PTK6: variants seen among roughly 807,000 people sequenced by gnomAD.
PTK6 encodes the protein protein tyrosine kinase 6.
Under a neutral mutation model 47.5 loss-of-function variants are expected in PTK6, and 47 were observed. The ratio of observed to expected loss-of-function variants is 0.99; its 90% CI spans 0.78 to 1.26. The LOEUF is 1.26. Among genes scored for constraint, PTK6 ranks in the 50% most tolerant of loss-of-function variants. The pLI, the probability that PTK6 is intolerant of heterozygous loss-of-function variation, is 0.00. For synonymous variants in PTK6, 287 were observed against 276.5 expected, an observed-to-expected ratio of 1.04 and a Z score of -0.38; for missense variants, 618 against 625.3, an observed-to-expected ratio of 0.99 and a Z score of 0.12.
Position 63,530,443 on chromosome 20 carries a change from G to A in PTK6, c.1015-212C>T, listed in dbSNP as rs1441106111. Among the ~76,000 whole-genome samples, 3 of 152,234 alleles carry A rather than the reference G, an allele frequency of 2.0e-5. No homozygotes were observed. The highest frequency in any genetic ancestry group is 1.9e-4 in the East Asian group (1 of 5,194). On this transcript the variant is annotated intron_variant, in intron 6 of 7. Coordinates refer to ENST00000542869, the MANE Select transcript of PTK6 (RefSeq NM_005975.4). This position sits in a 1 kb window ranked among gnomAD's most constrained non-coding sequence, Gnocchi z 4.1. Reference sequence around the variant, plus strand: ...CTGGGATTGCAGGTGTGTGGGGACCGGAGGGCCCGGGGGACAGGGAACTGG... The same window carrying A: ...CTGGGATTGCAGGTGTGTGGGGACCAGAGGGCCCGGGGGACAGGGAACTGG...
rs975835823 is a variant in PTK6 at position 63,530,654 on chromosome 20, C to G, written c.1014+92G>C. 3.3e-5 allele frequency: 48 copies of G among 1,458,778 alleles called. No individual in the cohort carries two copies. Among genetic ancestry groups the G allele is most frequent in the Non-Finnish European group, 4.1e-5 (44 of 1,077,836 alleles). 90.4% of individuals were successfully genotyped at this position (1,458,778 alleles called of 1,614,324 possible). ...CGAGGGCAGGGGCCGCATCCTGCTC[C>G]CAGCCGAGTCCCCAGCTCCACACAC... is the stretch of plus-strand genomic sequence containing the variant. On this transcript the variant is annotated intron_variant, in intron 6 of 7. Transcript: ENST00000542869. The surrounding 1 kb of genome is among the most constrained non-coding windows in gnomAD (Gnocchi z 4.1).
chr20:63,530,284 C>T lies in PTK6; in HGVS notation c.1015-53G>A. On this transcript the variant is annotated intron_variant, in intron 6 of 7. Coordinates refer to ENST00000542869, the MANE Select transcript of PTK6 (RefSeq NM_005975.4). This position sits in a 1 kb window ranked among gnomAD's most constrained non-coding sequence, Gnocchi z 4.1. ...CGTGGGGGCTGCCTGTGCCCTGCCC[C>T]CGAAGCATGGACGGGCACAGCGGCC... The T allele has an allele frequency of 1.3e-6, 2 of 1,599,110 alleles. No homozygotes were observed. The highest frequency in any genetic ancestry group is 8.6e-7 in the Non-Finnish European group (1 of 1,169,546).
chr20:63,531,437 A>AAAATAT (rs1311835682), intron 5 of PTK6, among the ~76,000 whole-genome samples: 4 of 94,920 alleles, frequency 4.2e-5, no homozygotes, highest in Non-Finnish European at 7.5e-5. Context: ...AAAAAAAAAA[A>AAAATAT]ATATATATAT....
At chr20:63,534,032 CCCCA>C (rs879539161) in intron 3 of PTK6, 116 bp downstream of exon 3, 32 of 1,320,290 alleles carry the variant, frequency 2.4e-5, no homozygotes, top group Non-Finnish European at 3.0e-5. Flanking sequence ...CTCCAGTGGG[CCCCA>C]GGTCAGTGAG....
rs563200818 is a variant in PTK6 at position 63,534,928 on chromosome 20, G to T, written c.352+10C>A. ...GCAGGCAAGCACAGGCTCGGAGGCCGGGGCCGCACCCGACAGGACGTAGTC... is the reference window on the plus strand; with the variant it reads ...GCAGGCAAGCACAGGCTCGGAGGCCTGGGCCGCACCCGACAGGACGTAGTC... On this transcript the variant is annotated intron_variant, in intron 2 of 7. Coordinates refer to ENST00000542869, the MANE Select transcript of PTK6 (RefSeq NM_005975.4). 2 of 1,586,698 alleles carry T rather than the reference G, an allele frequency of 1.3e-6. No homozygotes were observed. The highest frequency in any genetic ancestry group is 8.6e-7 in the Non-Finnish European group (1 of 1,165,706).
intron 1 of PTK6, among the ~76,000 whole-genome samples, chr20:63,535,282 C>T (rs950933896): frequency 3.9e-5 from 6 of 152,174 alleles, no homozygotes; most frequent in Non-Finnish European, 5.9e-5. Context: ...CAGGGGCAGG[C>T]GCTACCACAC....
At chr20:63,534,079 C>T (rs990616477) in intron 3 of PTK6, 73 bp downstream of exon 3, 4 of 1,465,950 alleles carry the variant, frequency 2.7e-6, no homozygotes, top group Non-Finnish European at 1.8e-6. Context: ...CGGCCAACCT[C>T]TCCCAGTAGG....
At position 63,530,644 on chromosome 20, in the gene PTK6, C is replaced by A. The variant is rs1473566756; in HGVS notation, c.1014+102G>T. On this transcript the variant is annotated intron_variant, in intron 6 of 7. Transcript: ENST00000542869. The surrounding 1 kb of genome is among the most constrained non-coding windows in gnomAD (Gnocchi z 4.1). The stretch of plus-strand genomic sequence containing the variant: ...CCTGGGCTCCCGAGGGCAGGGGCCG[C>A]ATCCTGCTCCCAGCCGAGTCCCCAG... 1 of 1,400,604 alleles carries A rather than the reference C, an allele frequency of 7.1e-7. No individual in the cohort carries two copies. Among genetic ancestry groups the A allele is most frequent in the Non-Finnish European group, 9.7e-7 (1 of 1,034,130 alleles). 86.8% of individuals were successfully genotyped at this position (1,400,604 alleles called of 1,614,324 possible).
chr20:63,536,498 G>A (rs1200678065), intron 1 of PTK6, among the ~76,000 whole-genome samples: 2 of 151,568 alleles, frequency 1.3e-5, no homozygotes, highest in African/African-American at 2.4e-5. Context: ...GATGAGAAAC[G>A]CGGGATCTCA....
At position 63,530,632 on chromosome 20, in the gene PTK6, G is replaced by C. The variant is rs2082610775; in HGVS notation, c.1014+114C>G. ...CTCCCTGCCCAGCCTGGGCTCCCGA[G>C]GGCAGGGGCCGCATCCTGCTCCCAG... On this transcript the variant is annotated intron_variant, in intron 6 of 7. Coordinates refer to ENST00000542869, the MANE Select transcript of PTK6 (RefSeq NM_005975.4). This position sits in a 1 kb window ranked among gnomAD's most constrained non-coding sequence, Gnocchi z 4.1. 7.6e-7 allele frequency: 1 copy of C among 1,322,522 alleles called. No individual in the cohort carries two copies. The highest frequency in any genetic ancestry group is 1.5e-5 in the African/African-American group (1 of 66,556). The allele number at this position is 1,322,522 out of a possible 1,614,324, so 81.9% of individuals were successfully genotyped here. A position where few individuals can be genotyped will look rare whatever the true frequency, so the allele number is the denominator to read the frequency against.
rs374047717 is a variant in PTK6 at position 63,530,228 on chromosome 20, C to T, written c.1018G>A (p.Asp340Asn). Residue 340 changes from aspartate to asparagine, a missense_variant, in exon 7 of 8, where the codon GAC becomes AAC. Asp to Asn is a conservative substitution (Grantham distance 23). Transcript: ENST00000542869. The surrounding 1 kb of genome is among the most constrained non-coding windows in gnomAD (Gnocchi z 4.1). ...TTGTGGTCATGGGAGAGGTAGACGT[C>T]CTCCTGCAATCAGCCTGGAGCTGAG... ...DFGLARLIKE[D>N]VYLSHDHNIP... 6.4e-5 allele frequency: 104 copies of T among 1,613,738 alleles called. No homozygotes were observed. Among genetic ancestry groups the T allele is most frequent in the Non-Finnish European group, 8.6e-5 (101 of 1,179,914 alleles).
In PTK6 at chr20:63,528,182, G is replaced by A. The variant is rs905334415; in HGVS notation, c.*1354C>T. On this transcript the variant is annotated 3_prime_UTR_variant, in exon 8 of 8. Coordinates refer to ENST00000542869, the MANE Select transcript of PTK6 (RefSeq NM_005975.4). The stretch of plus-strand genomic sequence containing the variant: ...ATAGGATAACGTATCAGATTTCTAG[G>A]AATTTTATAGAGTTTCTGCAACATT... The A allele has an allele frequency of 1.3e-5, 2 of 152,198 alleles. No individual in the cohort carries two copies. Among genetic ancestry groups the A allele is most frequent in the African/African-American group, 4.8e-5 (2 of 41,536 alleles). The allele number at this position is 152,198 out of a possible 1,614,324, so 9.4% of individuals were successfully genotyped here.
chr20:63,530,288 A>C lies in PTK6; in HGVS notation c.1015-57T>G. 6.3e-7 allele frequency: 1 copy of C among 1,595,904 alleles called. No homozygotes were observed. Among genetic ancestry groups the C allele is most frequent in the Non-Finnish European group, 8.6e-7 (1 of 1,167,256 alleles). Reference sequence around the variant, plus strand: ...GGGGCTGCCTGTGCCCTGCCCCCGAAGCATGGACGGGCACAGCGGCCGCAT... The same window carrying C: ...GGGGCTGCCTGTGCCCTGCCCCCGACGCATGGACGGGCACAGCGGCCGCAT... On this transcript the variant is annotated intron_variant, in intron 6 of 7. Coordinates refer to ENST00000542869, the MANE Select transcript of PTK6 (RefSeq NM_005975.4). This position sits in a 1 kb window ranked among gnomAD's most constrained non-coding sequence, Gnocchi z 4.1.
In PTK6 at chr20:63,532,642, A is replaced by T. The variant is rs759591955; in HGVS notation, c.716T>A (p.Met239Lys). 1.9e-6 allele frequency: 3 copies of T among 1,613,934 alleles called. No homozygotes were observed. Residue 239 changes from methionine to lysine, a missense_variant, in exon 5 of 8, where the codon ATG (methionine) becomes AAG (lysine). Physicochemically the swap from Met to Lys is moderately conservative, Grantham distance 95. Coordinates refer to ENST00000542869, the MANE Select transcript of PTK6 (RefSeq NM_005975.4). Reference sequence around the variant, plus strand: ...GATGTGTTTGTGCCGCAGCTTCTTCATGGCCTGGATCTCCGACTGCAGCAT... The same window carrying T: ...GATGTGTTTGTGCCGCAGCTTCTTCTTGGCCTGGATCTCCGACTGCAGCAT... ...QQMLQSEIQA[M>K]KKLRHKHILA...
At position 63,529,530 on chromosome 20, in the gene PTK6, A is replaced by G. The variant is rs1437501802; in HGVS notation, c.*6T>C. 6.4e-7 allele frequency: 1 copy of G among 1,560,102 alleles called. No individual in the cohort carries two copies. Among genetic ancestry groups the G allele is most frequent in the Non-Finnish European group, 8.7e-7 (1 of 1,152,646 alleles). On this transcript the variant is annotated 3_prime_UTR_variant, in exon 8 of 8. Transcript: ENST00000542869. The surrounding 1 kb of genome is among the most constrained non-coding windows in gnomAD (Gnocchi z 5.6). Reference sequence around the variant, plus strand: ...CAGGGCCCGGCCATGCCCGCTCCACAGCAGCTCAGGTCGGGTTCTCGTAGC... The same window carrying G: ...CAGGGCCCGGCCATGCCCGCTCCACGGCAGCTCAGGTCGGGTTCTCGTAGC...
At position 63,530,521 on chromosome 20, in the gene PTK6, G is replaced by A. The variant is rs778433881; in HGVS notation, c.1014+225C>T. On this transcript the variant is annotated intron_variant, in intron 6 of 7. Coordinates refer to ENST00000542869, the MANE Select transcript of PTK6 (RefSeq NM_005975.4). The surrounding 1 kb of genome is among the most constrained non-coding windows in gnomAD (Gnocchi z 4.1). ...AGGGCTGGGCCAGTGAACAAGGCAC[G>A]TGAACAAGGCAGCGGCTGCGTGGTG... Among the ~76,000 whole-genome samples, 1 of 152,158 alleles carries A rather than the reference G, an allele frequency of 6.6e-6. No homozygotes were observed. The highest frequency in any genetic ancestry group is 1.9e-4 in the East Asian group (1 of 5,186).
chr20:63,530,688 C>T lies in PTK6; in HGVS notation c.1014+58G>A. On this transcript the variant is annotated intron_variant, in intron 6 of 7. Coordinates refer to ENST00000542869, the MANE Select transcript of PTK6 (RefSeq NM_005975.4). The surrounding 1 kb of genome is among the most constrained non-coding windows in gnomAD (Gnocchi z 4.1). ...TCCCCAGCTCCACACACAGGAAGCCCCCAGCCCTCCGGCCACGCCCCGGCC... is the reference window on the plus strand; with the variant it reads ...TCCCCAGCTCCACACACAGGAAGCCTCCAGCCCTCCGGCCACGCCCCGGCC... The T allele has an allele frequency of 1.3e-6, 2 of 1,580,002 alleles. No homozygotes were observed. Among genetic ancestry groups the T allele is most frequent in the East Asian group, 2.3e-5 (1 of 44,122 alleles).
chr20:63,535,576 TTCCAGGTGGAGCTTGCAGAAGC>T (rs1277392833), intron 1 of PTK6, among the ~76,000 whole-genome samples: 1 of 152,004 alleles, frequency 6.6e-6, no homozygotes, highest in Non-Finnish European at 1.5e-5. Context: ...GACTGTGGAC[TTCCAGGTGGAGCTTGCAGAAGC>T]TCCAGGTGAC....
At chr20:63,536,513 C>T (rs567724584) in intron 1 of PTK6, among the ~76,000 whole-genome samples, 8 of 151,750 alleles carry the variant, frequency 5.3e-5, no homozygotes, top group Non-Finnish European at 1.0e-4. Flanking sequence ...ATCTCAGGAG[C>T]GTGACCCTCC....
Sources: allele counts gnomAD v4.1 joint callset (sites outside exome capture counted in the v4.1 genomes callset), GRCh38; gene constraint gnomAD v4.1.1; non-coding constraint Gnocchi (gnomAD v3.1); transcripts MANE v1.5; gene names NCBI Gene and HGNC (gene_info 2026-07-23, HGNC 2026-07-21).